The following EYS variants were observed in gnomAD, a reference collection of about 807,000 sequenced individuals.
EYS encodes protein eyes shut homolog.
EYS carries 250 observed loss-of-function variants against 282.1 expected under a neutral mutation model. The observed-to-expected ratio is 0.89, with a 90% CI of 0.80 to 0.98. EYS has a LOEUF of 0.98. Ranked by LOEUF, EYS falls within the 50% of genes least tolerant of loss-of-function variation. EYS has a pLI of 0.00. For missense variants in EYS, 4,016 were observed against 3,709.0 expected (o/e 1.08, Z -2.15); for synonymous variants, 1,355 against 1,282.9 (o/e 1.06, Z -1.20).
chr6:64,405,958 CT>C (rs1773692915), intron 28 of EYS, among the ~76,000 whole-genome samples: 1 of 152,150 alleles, frequency 6.6e-6, no homozygotes, highest in Non-Finnish European at 1.5e-5. Context: ...GAAAATACTA[CT>C]TTAAATTTCA....
chr6:65,508,987 T>C (rs1766765328), intron 2 of EYS, among the ~76,000 whole-genome samples: 1 of 152,156 alleles, frequency 6.6e-6, no homozygotes, highest in Non-Finnish European at 1.5e-5. Flanking sequence ...GCAGTGTAGC[T>C]CCGGGGAGAT....
intron 12 of EYS, among the ~76,000 whole-genome samples, chr6:65,064,577 C>T (rs1265658048): frequency 1.4e-5 from 2 of 147,602 alleles, no homozygotes; most frequent in Admixed American, 6.8e-5. Context: ...TATATATATA[C>T]TATAAAAGTT....
chr6:63,848,581 G>T (rs975471685), intron 36 of EYS, among the ~76,000 whole-genome samples: 5 of 151,944 alleles, frequency 3.3e-5, no homozygotes, highest in African/African-American at 1.2e-4. Context: ...AGTGCAAGGG[G>T]CTGGGAACTC....
intron 35 of EYS, among the ~76,000 whole-genome samples, chr6:63,934,911 AATAAC>A (rs1765011594): frequency 6.6e-6 from 1 of 152,118 alleles, no homozygotes; most frequent in African/African-American, 2.4e-5. Context: ...AAAAAATAAA[AATAAC>A]AAAATAAAAA....
At chr6:65,389,364 G>C (rs1347177047) in intron 7 of EYS, among the ~76,000 whole-genome samples, 1 of 152,104 alleles carries the variant, frequency 6.6e-6, no homozygotes, top group African/African-American at 2.4e-5. Context: ...ATAGGCCAAG[G>C]ATTTTGCAAT....
intron 5 of EYS, among the ~76,000 whole-genome samples, chr6:65,419,382 CAT>C (rs1487543444): frequency 1.3e-5 from 2 of 151,728 alleles, no homozygotes; most frequent in Non-Finnish European, 2.9e-5. Context: ...GCAATCTAAA[CAT>C]GTACAAAAAT....
intron 35 of EYS, among the ~76,000 whole-genome samples, chr6:63,917,555 C>A (rs1167659761): frequency 3.3e-5 from 5 of 152,160 alleles, no homozygotes; most frequent in African/African-American, 1.2e-4. Context: ...ATTTTAAAAT[C>A]CGTTTAGATA....
At chr6:65,368,435 GC>G (rs1269699453) in intron 8 of EYS, among the ~76,000 whole-genome samples, 1 of 151,226 alleles carries the variant, frequency 6.6e-6, no homozygotes, top group Non-Finnish European at 1.5e-5. Context: ...ATTATTGTTT[GC>G]TGCCTAGGAA....
intron 28 of EYS, among the ~76,000 whole-genome samples, chr6:64,404,380 AGTGTGTGTGT>A (rs59373630): frequency 5.2e-4 from 49 of 93,794 alleles, no homozygotes; most frequent in East Asian, 1.0e-3. Context: ...AGAGTGTGAG[AGTGTGTGTGT>A]GTGTGTGTGT....
intron 11 of EYS, among the ~76,000 whole-genome samples, chr6:65,319,492 A>G (rs948590930): frequency 6.6e-6 from 1 of 152,018 alleles, no homozygotes; most frequent in Non-Finnish European, 1.5e-5. Flanking sequence ...AAGAACCGAA[A>G]ACATTTAAAT....
chr6:64,303,842 A>C (rs1218625041), intron 30 of EYS, among the ~76,000 whole-genome samples: 2 of 14,550 alleles, frequency 1.4e-4, no homozygotes, highest in Non-Finnish European at 1.7e-4. Flanking sequence ...CTCCGTCTCA[A>C]AAAAAAAAAA....
chr6:65,666,878 AT>A (rs1210237457), intron 1 of EYS, among the ~76,000 whole-genome samples: 1 of 150,798 alleles, frequency 6.6e-6, no homozygotes, highest in African/African-American at 2.4e-5. Context: ...ATACATAAAA[AT>A]AATAAAAATT....
At chr6:65,337,922 C>A (rs1048134414) in intron 10 of EYS, among the ~76,000 whole-genome samples, 1 of 150,946 alleles carries the variant, frequency 6.6e-6, no homozygotes, top group Non-Finnish European at 1.5e-5. Context: ...CACAGACTTA[C>A]TTCATATAAC....
rs2149792275 is a variant in EYS, at chr6:63,984,457, A to G, written c.6981T>C (p.His2327=). 4 of 1,549,748 alleles carry G rather than the reference A, an allele frequency of 2.6e-6. No homozygotes were observed. Among genetic ancestry groups the G allele is most frequent in the Non-Finnish European group, 3.5e-6 (4 of 1,145,666 alleles). ...CGTGGCAGTTCTCAATATTCTTTCC[A>G]TGTCGTGCTTCATCGATGATGAAGA... is the stretch of plus-strand genomic sequence containing the variant. ...KEFFIIDEAR[H]GKNIENCHVP... is the part of the protein sequence containing the mutation. Residue 2327 remains histidine (H), a synonymous_variant, in exon 35 of 43, where the codon CAT becomes CAC. Transcript: ENST00000503581.
intron 14 of EYS, among the ~76,000 whole-genome samples, chr6:64,974,573 A>C (rs750153743): frequency 1.3e-4 from 20 of 151,808 alleles, no homozygotes; most frequent in Non-Finnish European, 2.8e-4. Flanking sequence ...TTTTTCTACA[A>C]ATGTCAAAAA....
At chr6:64,707,346 A>G (rs1219280491) in intron 22 of EYS, among the ~76,000 whole-genome samples, 1 of 152,124 alleles carries the variant, frequency 6.6e-6, no homozygotes, top group Non-Finnish European at 1.5e-5. Flanking sequence ...ACTTGGGGGA[A>G]AGGGAGGCAA....
chr6:65,136,843 G>A (rs1776035285), intron 12 of EYS, among the ~76,000 whole-genome samples: 1 of 151,806 alleles, frequency 6.6e-6, no homozygotes, highest in African/African-American at 2.4e-5. Flanking sequence ...CACCACACCT[G>A]GCTAATTTTT....
intron 31 of EYS, among the ~76,000 whole-genome samples, chr6:64,196,220 C>T (rs1765283529): frequency 6.6e-6 from 1 of 152,152 alleles, no homozygotes; most frequent in African/African-American, 2.4e-5. Flanking sequence ...GTTAGAATGG[C>T]AATCATTAAA....
intron 2 of EYS, among the ~76,000 whole-genome samples, chr6:65,616,894 T>C (rs1166488492): frequency 6.6e-6 from 1 of 152,202 alleles, no homozygotes; most frequent in Non-Finnish European, 1.5e-5. Context: ...CTGATCACTA[T>C]GACTAACTAA....
Sources: allele counts gnomAD v4.1 joint callset (sites outside exome capture counted in the v4.1 genomes callset), GRCh38; gene constraint gnomAD v4.1.1; transcripts MANE v1.5; gene names NCBI Gene and HGNC (gene_info 2026-07-23, HGNC 2026-07-21).